Variants in TNFRSF10A observed in about 807,000 individuals in gnomAD.
TNFRSF10A encodes the protein tumor necrosis factor receptor superfamily member 10A.
In TNFRSF10A, 44 loss-of-function variants were observed where a neutral mutation model predicts 42.8. The ratio of observed to expected loss-of-function variants is 1.03; its 90% confidence interval spans 0.81 to 1.32. TNFRSF10A has a LOEUF of 1.32. TNFRSF10A is among the 40% of genes most tolerant of loss of function. The pLI, the probability that TNFRSF10A is intolerant of heterozygous loss-of-function variation, is 0.00. For missense variants in TNFRSF10A, 680 were observed against 602.0 expected, an observed-to-expected ratio of 1.13 and a Z score of -1.36; for synonymous variants, 259 against 234.2, an observed-to-expected ratio of 1.11 and a Z score of -0.97.
rs1419176521 is a variant in TNFRSF10A, at chr8:23,201,843, G to T, written c.594C>A (p.Asp198Glu). 3 of 1,613,292 alleles carry T rather than the reference G, an allele frequency of 1.9e-6. No individual in the cohort carries two copies. The African/African-American group carries it at 4.0e-5, about 22-fold the overall frequency. The change falls in exon 4 of 10, where the codon GAC becomes GAA. Residue 198 changes from aspartate to glutamate, a missense_variant. Coordinates refer to ENST00000221132, the MANE Select transcript of TNFRSF10A (RefSeq NM_003844.4). ...CQCKPGTFRN[D>E]NSAEMCRKCS... ...ACTTCCGGCACATCTCAGCAGAATTGTCATTCCGGAAAGTTCCTGGTTTGC... is the reference window on the plus strand; with the variant it reads ...ACTTCCGGCACATCTCAGCAGAATTTTCATTCCGGAAAGTTCCTGGTTTGC...
chr8:23,196,738 G>A (rs1391275393), intron 9 of TNFRSF10A, among the ~76,000 whole-genome samples: 3 of 152,166 alleles, frequency 2.0e-5, no homozygotes, highest in Non-Finnish European at 4.4e-5. Flanking sequence ...CTTGCATTAA[G>A]TCTTTGGAAT....
chr8:23,212,230 G>A lies in TNFRSF10A; in HGVS notation c.307-18C>T. The A allele has an allele frequency of 2.5e-6, 4 of 1,608,174 alleles. No homozygotes were observed. Among genetic ancestry groups the A allele is most frequent in the East Asian group, 2.2e-5 (1 of 44,666 alleles). ...GGTACGACCTGTGGGGACAAAGCAG[G>A]GACTGGCATGAGTGGCTTCCAGATC... On this transcript the variant is annotated intron_variant, in intron 1 of 9. Coordinates refer to ENST00000221132, the MANE Select transcript of TNFRSF10A (RefSeq NM_003844.4).
At chr8:23,201,103 C>A (rs892429171) in intron 4 of TNFRSF10A, among the ~76,000 whole-genome samples, 2 of 152,210 alleles carry the variant, frequency 1.3e-5, no homozygotes, top group African/African-American at 2.4e-5. Context: ...TGGCCACAAG[C>A]TGAGCCCCTT....
At chr8:23,203,581 C>T (rs1800966595) in intron 2 of TNFRSF10A, among the ~76,000 whole-genome samples, 2 of 152,228 alleles carry the variant, frequency 1.3e-5, no homozygotes, top group Admixed American at 1.3e-4. Context: ...ACCTCACTCT[C>T]CCCTTTCAGT....
Position 23,216,376 on chromosome 8 carries a change from T to G in TNFRSF10A, c.307-4164A>C, listed in dbSNP as rs373172263. ...ATACTTTATATATGATGTAATTCTT[T>G]CCTTTAAATATATTTATAGAAGTGT... On this transcript the variant is annotated intron_variant, in intron 1 of 9. Coordinates refer to ENST00000221132, the MANE Select transcript of TNFRSF10A (RefSeq NM_003844.4). 3.9e-4 allele frequency among the ~76,000 whole-genome samples: 60 copies of G among 152,310 alleles called. 1 individual carries two copies. Among genetic ancestry groups the G allele is most frequent in the South Asian group, 3.5e-3 (17 of 4,826 alleles).
chr8:23,211,221 G>C (rs1045730168), intron 2 of TNFRSF10A, among the ~76,000 whole-genome samples: 9 of 152,020 alleles, frequency 5.9e-5, no homozygotes, highest in Non-Finnish European at 1.2e-4. Context: ...TAGAATACAA[G>C]ATCAATGTAC....
intron 2 of TNFRSF10A, among the ~76,000 whole-genome samples, chr8:23,207,603 A>G (rs886516450): frequency 4.6e-5 from 7 of 152,242 alleles, no homozygotes; most frequent in African/African-American, 1.7e-4. Flanking sequence ...TCTCATCTTG[A>G]ATTCCCGTAA....
At chr8:23,206,973 A>T in intron 2 of TNFRSF10A, 1 of 345,718 alleles carries the variant, frequency 2.9e-6, no homozygotes, top group Non-Finnish European at 5.6e-6. Flanking sequence ...GAAGCGATGC[A>T]AAGGTTTTGA....
intron 9 of TNFRSF10A, among the ~76,000 whole-genome samples, chr8:23,192,388 T>C (rs1800768795): frequency 6.6e-6 from 1 of 152,172 alleles, no homozygotes; most frequent in African/African-American, 2.4e-5. Context: ...GGGCTGCGCT[T>C]GTCATGGGAG....
intron 1 of TNFRSF10A, among the ~76,000 whole-genome samples, chr8:23,214,381 G>A (rs1178440446): frequency 6.6e-6 from 1 of 151,808 alleles, no homozygotes; most frequent in East Asian, 1.9e-4. Flanking sequence ...CCAGCTACAC[G>A]GGAGGCTGAG....
chr8:23,199,430 C>A lies in TNFRSF10A; in HGVS notation c.850G>T (p.Gly284Cys), dbSNP rs967940020. 3 of 1,612,262 alleles carry A rather than the reference C, an allele frequency of 1.9e-6. No individual in the cohort carries two copies. Among genetic ancestry groups the A allele is most frequent in the Admixed American group, 1.7e-5 (1 of 60,000 alleles). Reference protein sequence around the residue: ...CMDRVCFWRLGLLRGPGAEDN... With the variant: ...CMDRVCFWRLCLLRGPGAEDN... ...TCAGCCCCAGGCCCTCGTAGGAGAC[C>A]CAAGCGCCAGAAACACACCTTAGGA... Residue 284 changes from glycine (G) to cysteine (C), a missense_variant, in exon 8 of 10, where the codon GGT becomes TGT. By Grantham distance (159) the Gly-to-Cys change is radical. Transcript: ENST00000221132.
At chr8:23,200,399 G>T (rs1800890099) in intron 6 of TNFRSF10A, 106 bp downstream of exon 6, 2 of 1,282,384 alleles carry the variant, frequency 1.6e-6, no homozygotes, top group Non-Finnish European at 2.2e-6. Context: ...ATAGAGCCCG[G>T]CCAGAGACAC....
chr8:23,219,001 T>C (rs1801221740), intron 1 of TNFRSF10A, among the ~76,000 whole-genome samples: 3 of 152,024 alleles, frequency 2.0e-5, no homozygotes, highest in South Asian at 2.1e-4. Flanking sequence ...CCACATCCTC[T>C]AAGCCACCAA....
chr8:23,219,651 G>A (rs538273343), intron 1 of TNFRSF10A, among the ~76,000 whole-genome samples: 9 of 152,310 alleles, frequency 5.9e-5, no homozygotes, highest in South Asian at 2.1e-4. Flanking sequence ...GGTGAGAGGC[G>A]CAGCCTAAGC....
At chr8:23,202,591 C>T in intron 3 of TNFRSF10A, 57 bp downstream of exon 3, 1 of 1,433,248 alleles carries the variant, frequency 7.0e-7, no homozygotes, top group Non-Finnish European at 9.8e-7. Flanking sequence ...TTGGCTACCA[C>T]TCCCACCTCA....
intron 1 of TNFRSF10A, among the ~76,000 whole-genome samples, chr8:23,214,085 TG>T (rs1801139468): frequency 6.6e-6 from 1 of 151,832 alleles, no homozygotes; most frequent in East Asian, 2.0e-4. Context: ...CTGCCCACCT[TG>T]GCCTCCCAAA....
chr8:23,213,634 G>C lies in TNFRSF10A; in HGVS notation c.307-1422C>G, dbSNP rs184662698. Among the ~76,000 whole-genome samples the C allele has an allele frequency of 4.5e-4, 63 of 141,042 alleles. No individual in the cohort carries two copies. In the East Asian group the frequency reaches 0.01, roughly 22 times the overall value. The allele number at this position is 141,042 out of a possible 152,430, so 92.5% of individuals were successfully genotyped here. On this transcript the variant is annotated intron_variant, in intron 1 of 9. Coordinates refer to ENST00000221132, the MANE Select transcript of TNFRSF10A (RefSeq NM_003844.4). ...AGCTACGTTTTTTGTATTTTTATTA[G>C]AGACAGAGTTTCACTGTGTTAGGAT...
chr8:23,199,408 GC>G lies in TNFRSF10A; in HGVS notation c.871del (p.Ala291LeufsTer10), dbSNP rs1800873616. The G allele has an allele frequency of 1.2e-6, 2 of 1,613,520 alleles. No homozygotes were observed. The highest frequency in any genetic ancestry group is 2.7e-5 in the African/African-American group (2 of 75,036). On this transcript the variant is annotated frameshift_variant, in exon 8 of 10. Transcript: ENST00000221132. LOFTEE classifies it high-confidence loss of function. ...WRLGLLRGPG[A>X]EDNAHNEILS... ...AATCTCGTTGTGAGCATTGTCCTCA[GC>G]CCCAGGCCCTCGTAGGAGACCCAAG...
At chr8:23,207,076 C>A (rs1026022429) in intron 2 of TNFRSF10A, 1 of 514,108 alleles carries the variant, frequency 1.9e-6, no homozygotes, top group Non-Finnish European at 3.7e-6. Context: ...GATACTGAGA[C>A]TCTGGAGAGC....
Sources: gnomAD v4.1 joint callset for allele counts (sites outside exome capture counted in the v4.1 genomes callset) on GRCh38, gnomAD v4.1.1 for gene constraint, MANE v1.5 for transcripts, NCBI Gene and HGNC (gene_info 2026-07-23, HGNC 2026-07-21) for gene names.